Variants in CNTNAP2 observed in about 807,000 individuals in gnomAD.
CNTNAP2 encodes contactin associated protein 2, also known as contactin-associated protein-like 2.
A neutral mutation model predicts 155.2 loss-of-function variants in CNTNAP2; 98 were observed. That is an observed-to-expected ratio of 0.63 (90% CI 0.54 to 0.75). The LOEUF is 0.75. CNTNAP2 is among the 30% of genes least tolerant of loss of function. The pLI, the probability that CNTNAP2 is intolerant of heterozygous loss-of-function variation, is 0.00. For missense variants in CNTNAP2, 1,727 were observed against 1,688.1 expected (o/e 1.02, Z -0.40); for synonymous variants, 651 against 631.2 (o/e 1.03, Z -0.47).
chr7:146,819,417 C>T (rs187447832), intron 2 of CNTNAP2, among the ~76,000 whole-genome samples: 13 of 152,236 alleles, frequency 8.5e-5, no homozygotes, highest in Admixed American at 7.9e-4. Flanking sequence ...ATCTAGAAAA[C>T]TTTTCTCCTT....
At chr7:148,047,260 G>A (rs1802791192) in intron 15 of CNTNAP2, among the ~76,000 whole-genome samples, 1 of 152,132 alleles carries the variant, frequency 6.6e-6, no homozygotes, top group South Asian at 2.1e-4. Flanking sequence ...GGAATTCAGG[G>A]TTAAGTTCCT....
chr7:146,714,088 C>G (rs774232708), intron 1 of CNTNAP2, among the ~76,000 whole-genome samples: 5 of 152,056 alleles, frequency 3.3e-5, no homozygotes, highest in Non-Finnish European at 7.4e-5. Flanking sequence ...CACTTCTCTG[C>G]CTGACTCACC....
chr7:146,644,920 C>T (rs1799784354), intron 1 of CNTNAP2, among the ~76,000 whole-genome samples: 1 of 152,094 alleles, frequency 6.6e-6, no homozygotes, highest in South Asian at 2.1e-4. Flanking sequence ...GAACTGGTAC[C>T]ATTCCTTCTG....
intron 18 of CNTNAP2, among the ~76,000 whole-genome samples, chr7:148,173,933 G>A (rs1246748765): frequency 1.3e-5 from 2 of 152,180 alleles, no homozygotes; most frequent in Admixed American, 6.5e-5. Context: ...GGAGAGTTAG[G>A]TTAAACACAG....
At position 148,416,683 on chromosome 7, in the gene CNTNAP2, G is replaced by C. The variant is rs1013090647; in HGVS notation, c.*1067G>C. The stretch of plus-strand genomic sequence containing the variant: ...CTGTAAATGGACACAACACAATAAA[G>C]TCAAGTTATTATTGCTGTTACTCTG... On this transcript the variant is annotated 3_prime_UTR_variant, in exon 24 of 24. Transcript: ENST00000361727. The C allele has an allele frequency of 2.0e-5, 3 of 152,576 alleles. No homozygotes were observed. The highest frequency in any genetic ancestry group is 4.4e-5 in the Non-Finnish European group (3 of 68,036). The allele number at this position is 152,576 out of a possible 1,614,324, so 9.5% of individuals were successfully genotyped here.
At chr7:147,507,475 T>G (rs1434981627) in intron 11 of CNTNAP2, among the ~76,000 whole-genome samples, 1 of 152,052 alleles carries the variant, frequency 6.6e-6, no homozygotes. Flanking sequence ...GTCAGTTACT[T>G]CTATATTGGC....
intron 2 of CNTNAP2, among the ~76,000 whole-genome samples, chr7:146,793,320 T>C (rs1802707160): frequency 6.6e-6 from 1 of 152,176 alleles, no homozygotes. Context: ...TTATTTAAAA[T>C]AAAATAGCAA....
At chr7:148,090,624 G>A (rs1184870574) in intron 15 of CNTNAP2, among the ~76,000 whole-genome samples, 1 of 151,996 alleles carries the variant, frequency 6.6e-6, no homozygotes, top group Non-Finnish European at 1.5e-5. Context: ...AATGTGAAGA[G>A]GGAACCATTA....
chr7:146,628,901 TTAAA>T (rs1408911948), intron 1 of CNTNAP2, among the ~76,000 whole-genome samples: 6 of 152,194 alleles, frequency 3.9e-5, no homozygotes, highest in East Asian at 1.9e-4. Flanking sequence ...ATATGGAAAC[TTAAA>T]TAACCTACTG....
chr7:147,136,190 T>C (rs1801473838), intron 8 of CNTNAP2, among the ~76,000 whole-genome samples: 1 of 151,908 alleles, frequency 6.6e-6, no homozygotes, highest in Admixed American at 6.6e-5. Context: ...GAGAAAGTGA[T>C]TTATCTTAAT....
Position 146,488,311 on chromosome 7 carries a change from C to CCGTT in CNTNAP2, c.98-285959_98-285958insGTTC, listed in dbSNP as rs1554440137. 2.6e-4 allele frequency among the ~76,000 whole-genome samples: 34 copies of CCGTT among 132,486 alleles called. No homozygotes were observed. The East Asian group carries it at 7.4e-3, about 29-fold the overall frequency. The allele number at this position is 132,486 out of a possible 152,430, so 86.9% of individuals were successfully genotyped here. ...TCCCTCCCTCCCTCCCTTCCTCCCT[C>CCGTT]CCTTCCTTCCTTCCTTCCTCTTGCT... On this transcript the variant is annotated intron_variant, in intron 1 of 23. Transcript: ENST00000361727.
At chr7:146,207,889 G>A (rs1296793938) in intron 1 of CNTNAP2, among the ~76,000 whole-genome samples, 2 of 151,734 alleles carry the variant, frequency 1.3e-5, no homozygotes, top group Non-Finnish European at 2.9e-5. Flanking sequence ...CAAGTAACAG[G>A]AACTTGAGAG....
chr7:148,175,672 C>T (rs1394839258), intron 18 of CNTNAP2, among the ~76,000 whole-genome samples: 1 of 152,158 alleles, frequency 6.6e-6, no homozygotes, highest in Non-Finnish European at 1.5e-5. Flanking sequence ...GAGAGGCTCA[C>T]ACTAGGACAG....
intron 12 of CNTNAP2, among the ~76,000 whole-genome samples, chr7:147,594,271 G>A (rs545224473): frequency 2.1e-4 from 32 of 151,884 alleles, no homozygotes; most frequent in African/African-American, 5.8e-4. Flanking sequence ...GACCACAGGC[G>A]CGCACCACCA....
chr7:146,936,483 T>A (rs111290789), intron 3 of CNTNAP2, among the ~76,000 whole-genome samples: 36 of 152,164 alleles, frequency 2.4e-4, no homozygotes, highest in Non-Finnish European at 4.7e-4. Flanking sequence ...ATGGTGATAG[T>A]GACATCGATG....
intron 4 of CNTNAP2, among the ~76,000 whole-genome samples, chr7:147,086,937 C>T (rs778523045): frequency 1.3e-5 from 2 of 152,178 alleles, no homozygotes; most frequent in African/African-American, 4.8e-5. Flanking sequence ...ACCTGTTACT[C>T]CCTGATACTT....
intron 13 of CNTNAP2, among the ~76,000 whole-genome samples, chr7:147,891,495 G>C (rs183986898): frequency 6.6e-6 from 1 of 152,010 alleles, no homozygotes; most frequent in Non-Finnish European, 1.5e-5. Flanking sequence ...GAGCCACCAC[G>C]CCCAGCCAAC....
intron 16 of CNTNAP2, among the ~76,000 whole-genome samples, chr7:148,141,365 T>C (rs1805069030): frequency 6.6e-6 from 1 of 152,272 alleles, no homozygotes; most frequent in African/African-American, 2.4e-5. Flanking sequence ...ACATAACTAA[T>C]GTAGCATGCT....
intron 3 of CNTNAP2, among the ~76,000 whole-genome samples, chr7:146,840,330 A>G (rs886141956): frequency 2.0e-5 from 3 of 152,230 alleles, no homozygotes; most frequent in African/African-American, 7.2e-5. Context: ...TGTCCATTTT[A>G]TAATAGTGTC....
Sources: gnomAD v4.1 joint callset for allele counts (sites outside exome capture counted in the v4.1 genomes callset) on GRCh38, gnomAD v4.1.1 for gene constraint, MANE v1.5 for transcripts, NCBI Gene and HGNC (gene_info 2026-07-23, HGNC 2026-07-21) for gene names.